CD200R1: variants seen among roughly 807,000 people sequenced by gnomAD.
The protein encoded by CD200R1 is CD200 receptor 1.
Under a neutral mutation model 38.1 loss-of-function variants are expected in CD200R1, and 30 were observed. The observed-to-expected ratio is 0.79, with a 90% CI of 0.59 to 1.07. CD200R1 has a LOEUF of 1.07. Among genes scored for constraint, CD200R1 ranks in the 50% least tolerant of loss-of-function variants. CD200R1 has a pLI of 0.00. For synonymous variants in CD200R1, 128 were observed against 152.1 expected (o/e 0.84, Z 1.16); for missense variants, 372 against 415.4 (o/e 0.90, Z 0.91).
intron 1 of CD200R1, among the ~76,000 whole-genome samples, chr3:112,957,235 G>T (rs1002683385): frequency 7.9e-5 from 12 of 152,070 alleles, no homozygotes; most frequent in Admixed American, 7.9e-4. Flanking sequence ...TCTCTCACTT[G>T]GTTTCTTTAG....
chr3:112,931,803 C>T (rs1289717402), intron 2 of CD200R1, among the ~76,000 whole-genome samples: 1 of 151,880 alleles, frequency 6.6e-6, no homozygotes, highest in Non-Finnish European at 1.5e-5. Context: ...ACTGGAGTAT[C>T]AAAGGGAGAG....
intron 1 of CD200R1, among the ~76,000 whole-genome samples, chr3:112,967,916 C>T (rs1933208039): frequency 6.6e-6 from 1 of 152,140 alleles, no homozygotes; most frequent in Admixed American, 6.5e-5. Flanking sequence ...GCTTTATTTG[C>T]CCCATGTATA....
In CD200R1 at chr3:112,928,902, T is replaced by C. The variant is rs1576126370; in HGVS notation, c.683A>G (p.His228Arg). ...GGTAGACACATTGTGGACCTCCCAG[T>C]GGCATGTACTCTTAACAGTCACTGT... The part of the protein sequence containing the change: ...NGTVTVKSTC[H>R]WEVHNVSTVT... Residue 228 changes from histidine to arginine, a missense_variant, in exon 5 of 8, where the codon CAC becomes CGC. Physicochemically the swap from His to Arg is conservative, Grantham distance 29. Coordinates refer to ENST00000308611, the MANE Select transcript of CD200R1 (RefSeq NM_138806.4). The C allele has an allele frequency of 6.2e-7, 1 of 1,614,008 alleles. No individual in the cohort carries two copies. Among genetic ancestry groups the C allele is most frequent in the East Asian group, 2.2e-5 (1 of 44,866 alleles).
At chr3:112,955,916 C>T (rs1941088902) in intron 1 of CD200R1, among the ~76,000 whole-genome samples, 1 of 149,802 alleles carries the variant, frequency 6.7e-6, no homozygotes, top group African/African-American at 2.5e-5. Flanking sequence ...TGCTTCTTTT[C>T]TTTTGCTGCC....
At chr3:112,967,203 T>C (rs556411071) in intron 1 of CD200R1, among the ~76,000 whole-genome samples, 1 of 152,210 alleles carries the variant, frequency 6.6e-6, no homozygotes, top group African/African-American at 2.4e-5. Context: ...CTTTTTCTCT[T>C]TACACTTTCT....
intron 2 of CD200R1, among the ~76,000 whole-genome samples, chr3:112,937,147 T>C (rs2107313510): frequency 6.6e-6 from 1 of 152,188 alleles, no homozygotes; most frequent in Non-Finnish European, 1.5e-5. Context: ...GAAGCAGACA[T>C]GTCCTTTTTC....
intron 3 of CD200R1, among the ~76,000 whole-genome samples, chr3:112,930,156 C>A (rs1940393257): frequency 6.6e-6 from 1 of 150,712 alleles, no homozygotes. Context: ...TGAGCCATCC[C>A]ATAAAAATGA....
intron 1 of CD200R1, among the ~76,000 whole-genome samples, chr3:112,966,075 G>C (rs1933153440): frequency 6.6e-6 from 1 of 152,190 alleles, no homozygotes; most frequent in Admixed American, 6.5e-5. Flanking sequence ...CTTGAATGAG[G>C]CAAGGTTCCT....
At chr3:112,940,908 G>A (rs560127625) in intron 2 of CD200R1, among the ~76,000 whole-genome samples, 2 of 151,638 alleles carry the variant, frequency 1.3e-5, no homozygotes, top group African/African-American at 2.4e-5. Flanking sequence ...CAACCCAAAC[G>A]CCCAATAACA....
rs150324293 is a variant in CD200R1 at position 112,932,810 on chromosome 3, C to T, written c.137-1639G>A. ...CAGGCCAGCCCAGCAGTCACATCCA[C>T]GGCTGAGAAACAGCCCCACAAGCTC... On this transcript the variant is annotated intron_variant, in intron 2 of 7. Transcript: ENST00000308611. Among the ~76,000 whole-genome samples the T allele has an allele frequency of 6.7e-3, 1,016 of 152,116 alleles. 1 individual carries two copies. Among genetic ancestry groups the T allele is most frequent in the Admixed American group, 0.01 (160 of 15,286 alleles).
At chr3:112,970,368 T>C (rs1933273918) in intron 1 of CD200R1, among the ~76,000 whole-genome samples, 1 of 152,172 alleles carries the variant, frequency 6.6e-6, no homozygotes, top group African/African-American at 2.4e-5. Flanking sequence ...AAAGGGCTGA[T>C]TGTGACTGTG....
chr3:112,970,835 G>C (rs779654886), intron 1 of CD200R1, among the ~76,000 whole-genome samples: 3 of 152,088 alleles, frequency 2.0e-5, no homozygotes, highest in Non-Finnish European at 4.4e-5. Context: ...AATTTCAGAA[G>C]AGTATCTCCT....
intron 1 of CD200R1, among the ~76,000 whole-genome samples, chr3:112,962,642 G>A (rs1428433944): frequency 6.6e-6 from 1 of 152,058 alleles, no homozygotes; most frequent in Non-Finnish European, 1.5e-5. Flanking sequence ...GGGATTATAG[G>A]TAAAATGTCC....
intron 1 of CD200R1, among the ~76,000 whole-genome samples, chr3:112,967,457 C>T (rs1218205182): frequency 2.0e-5 from 3 of 152,238 alleles, no homozygotes; most frequent in African/African-American, 4.8e-5. Flanking sequence ...ACCAGTTACA[C>T]ATTTCTATGT....
intron 1 of CD200R1, among the ~76,000 whole-genome samples, chr3:112,965,351 A>G (rs1276037357): frequency 6.6e-6 from 1 of 152,252 alleles, no homozygotes. Flanking sequence ...TGTAGACTTA[A>G]GTCTTTCAAG....
intron 2 of CD200R1, among the ~76,000 whole-genome samples, chr3:112,938,364 A>G (rs1406972913): frequency 6.6e-6 from 1 of 152,090 alleles, no homozygotes; most frequent in Non-Finnish European, 1.5e-5. Flanking sequence ...GCCATTAGCT[A>G]GATGAATAAA....
intron 2 of CD200R1, among the ~76,000 whole-genome samples, chr3:112,947,147 A>G (rs562202864): frequency 6.6e-6 from 1 of 152,316 alleles, no homozygotes; most frequent in Admixed American, 6.5e-5. Flanking sequence ...AATAGGTAGA[A>G]TAGAGACGAT....
chr3:112,927,169 G>A (rs1344548802), intron 5 of CD200R1, among the ~76,000 whole-genome samples: 2 of 152,100 alleles, frequency 1.3e-5, no homozygotes, highest in African/African-American at 4.8e-5. Flanking sequence ...CCAGACATCA[G>A]GGAGGGTGAG....
At chr3:112,929,600 A>G in intron 3 of CD200R1, 93 bp from the exon 4 acceptor site, 1 of 1,164,604 alleles carries the variant, frequency 8.6e-7, no homozygotes, top group South Asian at 1.6e-5. Flanking sequence ...ACTAGAACAT[A>G]ACTTTGTTGG....
Sources: allele counts gnomAD v4.1 joint callset (sites outside exome capture counted in the v4.1 genomes callset), GRCh38; gene constraint gnomAD v4.1.1; transcripts MANE v1.5; gene names NCBI Gene and HGNC (gene_info 2026-07-23, HGNC 2026-07-21).